The following SLCO6A1 variants were observed in gnomAD, a reference collection of about 807,000 sequenced individuals.
SLCO6A1 encodes the protein solute carrier organic anion transporter family member 6A1.
SLCO6A1 carries 65 observed loss-of-function variants against 72.7 expected under a neutral mutation model. That is an observed-to-expected ratio of 0.89 (90% confidence interval 0.73 to 1.10). The LOEUF is 1.10. Among genes scored for constraint, SLCO6A1 ranks in the 50% least tolerant of loss-of-function variants. The probability of loss-of-function intolerance (pLI) is 0.00; values close to 1 mark genes in which losing one functional copy is unlikely to be tolerated. For synonymous variants in SLCO6A1, 314 were observed against 298.2 expected (o/e 1.05, Z -0.55); for missense variants, 874 against 872.6 (o/e 1.00, Z -0.02).
chr5:102,378,327 A>G (rs1310512088), intron 12 of SLCO6A1, among the ~76,000 whole-genome samples: 3 of 152,094 alleles, frequency 2.0e-5, no homozygotes, highest in Admixed American at 2.0e-4. Context: ...AAAACCAAAC[A>G]CTGCATGTTC....
chr5:102,430,197 TTTTG>T lies in SLCO6A1; in HGVS notation c.1276+8416_1276+8419del, dbSNP rs1447922338. On this transcript the variant is annotated intron_variant, in intron 7 of 13. Coordinates refer to ENST00000506729, the MANE Select transcript of SLCO6A1 (RefSeq NM_173488.5). ...ATGGCTGTTTCTCAGCTTAAGGAGC[TTTTG>T]GGCCAAGACTATGGGGTTTTCTAGA... 3.3e-5 allele frequency among the ~76,000 whole-genome samples: 5 copies of T among 152,288 alleles called. No individual in the cohort carries two copies. In the South Asian group the frequency reaches 1.0e-3, roughly 32 times the overall value.
intron 6 of SLCO6A1, among the ~76,000 whole-genome samples, chr5:102,440,389 A>G (rs1164322342): frequency 1.3e-5 from 2 of 152,122 alleles, no homozygotes; most frequent in Non-Finnish European, 2.9e-5. Context: ...CATGTGAGGG[A>G]TTTAGGTTGT....
Position 102,399,633 on chromosome 5 carries a change from G to T in SLCO6A1, c.1736C>A (p.Pro579His). The T allele has an allele frequency of 6.2e-7, 1 of 1,607,650 alleles. No individual in the cohort carries two copies. The highest frequency in any genetic ancestry group is 8.5e-7 in the Non-Finnish European group (1 of 1,175,872). ...GKCDAKCYKL[P>H]LFIAFIFSTL... ...AGAAAAGATAAAAGCAATGAACAAA[G>T]GTAACTTATAGCACTTTGCATCACA... The change falls in exon 10 of 14, where the codon CCT becomes CAT. Residue 579 changes from proline to histidine, a missense_variant. Physicochemically the swap from Pro to His is moderately conservative, Grantham distance 77. Transcript: ENST00000506729.
chr5:102,438,194 G>A (rs189766062), intron 7 of SLCO6A1, among the ~76,000 whole-genome samples: 58 of 151,972 alleles, frequency 3.8e-4, no homozygotes, highest in African/African-American at 1.3e-3. Context: ...AAACTGAAAT[G>A]CATTAAATAG....
chr5:102,381,286 A>AT (rs1746092110), intron 12 of SLCO6A1, among the ~76,000 whole-genome samples: 1 of 151,486 alleles, frequency 6.6e-6, no homozygotes, highest in Admixed American at 6.6e-5. Context: ...CTTCTGTTTG[A>AT]TTTTTTTAGA....
At chr5:102,493,058 A>G (rs1205060816) in intron 1 of SLCO6A1, among the ~76,000 whole-genome samples, 1 of 152,170 alleles carries the variant, frequency 6.6e-6, no homozygotes, top group African/African-American at 2.4e-5. Context: ...CTAGAACTTA[A>G]AGTGTATTAA....
intron 1 of SLCO6A1, among the ~76,000 whole-genome samples, chr5:102,493,186 T>C (rs1752762203): frequency 6.6e-6 from 1 of 152,152 alleles, no homozygotes; most frequent in Non-Finnish European, 1.5e-5. Context: ...TACCTGTTAC[T>C]AAAGACAGAT....
chr5:102,476,063 T>C (rs1279184147), intron 3 of SLCO6A1, among the ~76,000 whole-genome samples: 1 of 151,872 alleles, frequency 6.6e-6, no homozygotes, highest in Non-Finnish European at 1.5e-5. Context: ...GGGGTAATGG[T>C]GAGAGGTGGG....
At chr5:102,443,741 A>T (rs1005111965) in intron 6 of SLCO6A1, among the ~76,000 whole-genome samples, 3 of 152,182 alleles carry the variant, frequency 2.0e-5, no homozygotes, top group Admixed American at 1.3e-4. Flanking sequence ...AATACCCAGG[A>T]TTTTCTGCAT....
chr5:102,418,209 A>C (rs1748398175), intron 8 of SLCO6A1, among the ~76,000 whole-genome samples: 2 of 152,064 alleles, frequency 1.3e-5, no homozygotes, highest in African/African-American at 4.8e-5. Context: ...ATATGTATAA[A>C]GTATATGTAT....
At chr5:102,382,853 T>C (rs1207210996) in intron 12 of SLCO6A1, among the ~76,000 whole-genome samples, 1 of 151,062 alleles carries the variant, frequency 6.6e-6, no homozygotes, top group Non-Finnish European at 1.5e-5. Context: ...TGAAATCACT[T>C]ACTAGTTTTA....
intron 10 of SLCO6A1, among the ~76,000 whole-genome samples, chr5:102,396,043 T>G (rs1048962419): frequency 1.3e-5 from 2 of 152,132 alleles, no homozygotes; most frequent in Non-Finnish European, 2.9e-5. Flanking sequence ...CTCTTTAGTT[T>G]AATTAGATCC....
chr5:102,437,564 C>G (rs1166021373), intron 7 of SLCO6A1, among the ~76,000 whole-genome samples: 3 of 152,012 alleles, frequency 2.0e-5, no homozygotes, highest in African/African-American at 7.2e-5. Flanking sequence ...TCAGAGTGCC[C>G]CAAACCTGGT....
chr5:102,492,125 G>T (rs1302353519), intron 1 of SLCO6A1, among the ~76,000 whole-genome samples: 1 of 152,172 alleles, frequency 6.6e-6, no homozygotes, highest in Non-Finnish European at 1.5e-5. Flanking sequence ...GTCTGCCCCC[G>T]TGATCCAATC....
intron 13 of SLCO6A1, among the ~76,000 whole-genome samples, chr5:102,372,834 A>C (rs1422414338): frequency 6.6e-6 from 1 of 151,958 alleles, no homozygotes; most frequent in Non-Finnish European, 1.5e-5. Context: ...CTGTATGTCA[A>C]ATCATAGATA....
At chr5:102,456,621 G>A (rs1750730823) in intron 6 of SLCO6A1, among the ~76,000 whole-genome samples, 1 of 152,100 alleles carries the variant, frequency 6.6e-6, no homozygotes, top group South Asian at 2.1e-4. Context: ...ACAAATGGAA[G>A]AACATTCCAT....
intron 6 of SLCO6A1, among the ~76,000 whole-genome samples, chr5:102,450,931 G>A (rs1750382222): frequency 6.6e-6 from 1 of 152,162 alleles, no homozygotes; most frequent in South Asian, 2.1e-4. Context: ...AGTAACCGTG[G>A]TACCACTACA....
Position 102,392,634 on chromosome 5 carries a change from A to C in SLCO6A1, c.1815-1589T>G, listed in dbSNP as rs556512853. ...AAAATTATTTCAGTGAATAGCACAA[A>C]AATAGCTAAGAAATACGAATACACA... On this transcript the variant is annotated intron_variant, in intron 10 of 13. Coordinates refer to ENST00000506729, the MANE Select transcript of SLCO6A1 (RefSeq NM_173488.5). Among the ~76,000 whole-genome samples, 20 of 152,228 alleles carry C rather than the reference A, an allele frequency of 1.3e-4. No homozygotes were observed. In the South Asian group the frequency reaches 4.1e-3, roughly 32 times the overall value.
intron 8 of SLCO6A1, among the ~76,000 whole-genome samples, chr5:102,418,472 T>A (rs1254922257): frequency 6.6e-6 from 1 of 152,178 alleles, no homozygotes. Flanking sequence ...ACAATGGCCA[T>A]CTGAAGCTGT....
Sources: gnomAD v4.1 joint callset for allele counts (sites outside exome capture counted in the v4.1 genomes callset) on GRCh38, gnomAD v4.1.1 for gene constraint, MANE v1.5 for transcripts, NCBI Gene and HGNC (gene_info 2026-07-23, HGNC 2026-07-21) for gene names.